Variants in LRRIQ4 observed in about 807,000 individuals in gnomAD.
The protein encoded by LRRIQ4 is leucine-rich repeat and IQ domain-containing protein 4.
In LRRIQ4, 21 loss-of-function variants were observed where a neutral mutation model predicts 40.1. The ratio of observed to expected loss-of-function variants is 0.52; its 90% confidence interval spans 0.37 to 0.75. The LOEUF is 0.75. LRRIQ4 is among the 30% of genes least tolerant of loss of function. The probability of loss-of-function intolerance (pLI) is 0.00; values close to 1 mark genes in which losing one functional copy is unlikely to be tolerated. For missense variants in LRRIQ4, 655 were observed against 660.0 expected, an observed-to-expected ratio of 0.99 and a Z score of 0.08; for synonymous variants, 277 against 277.1, an observed-to-expected ratio of 1.00 and a Z score of 0.00.
At chr3:169,819,914 T>A (rs988205360) in intron 1 of LRRIQ4, among the ~76,000 whole-genome samples, 1 of 152,244 alleles carries the variant, frequency 6.6e-6, no homozygotes, top group Non-Finnish European at 1.5e-5. Flanking sequence ...ATCTGCCTGA[T>A]GACTAAGTGA....
intron 2 of LRRIQ4, among the ~76,000 whole-genome samples, chr3:169,826,511 T>C (rs1780044605): frequency 6.6e-6 from 1 of 152,196 alleles, no homozygotes; most frequent in African/African-American, 2.4e-5. Flanking sequence ...TCTACAGATT[T>C]TCTATACATC....
chr3:169,825,151 G>A (rs1780013553), intron 2 of LRRIQ4, among the ~76,000 whole-genome samples: 2 of 151,782 alleles, frequency 1.3e-5, no homozygotes, highest in South Asian at 2.1e-4. Flanking sequence ...GGGACTATAG[G>A]TGCCTGCCAC....
At chr3:169,827,991 C>G (rs919520402) in intron 2 of LRRIQ4, among the ~76,000 whole-genome samples, 3 of 152,106 alleles carry the variant, frequency 2.0e-5, no homozygotes, top group Non-Finnish European at 4.4e-5. Flanking sequence ...TCACTGAACA[C>G]TGATTAGAAA....
chr3:169,829,769 G>A lies in LRRIQ4; in HGVS notation c.1195-723G>A, dbSNP rs539921241. On this transcript the variant is annotated intron_variant, in intron 3 of 5. Transcript: ENST00000340806. ...ACCTGCCTCGGCCTCCCAAAGTGCC[G>A]GGATTATAGGCATAAACCACCGTGT... is the stretch of plus-strand genomic sequence containing the variant. Among the ~76,000 whole-genome samples the A allele has an allele frequency of 4.6e-5, 7 of 152,288 alleles. No homozygotes were observed. The South Asian group carries it at 8.3e-4, about 18-fold the overall frequency.
At chr3:169,837,022 A>G (rs931959561) in intron 5 of LRRIQ4, among the ~76,000 whole-genome samples, 2 of 152,174 alleles carry the variant, frequency 1.3e-5, no homozygotes, top group Non-Finnish European at 2.9e-5. Context: ...AGGAGGGAAT[A>G]GGATCCAGGG....
At chr3:169,814,479 G>GTGTT (rs140306978) in intron 1 of LRRIQ4, among the ~76,000 whole-genome samples, 18,642 of 147,976 alleles carry the variant, frequency 0.13, 1,246 homozygotes, top group South Asian at 0.21. Context: ...GGGTCTTGGG[G>GTGTT]TGTTTGTTTG....
chr3:169,822,252 CTTGTCG>C lies in LRRIQ4; in HGVS notation c.337_342del (p.Val113_Val114del), dbSNP rs1779913879. The C allele has an allele frequency of 1.2e-6, 2 of 1,609,106 alleles. No individual in the cohort carries two copies. Among genetic ancestry groups the C allele is most frequent in the African/African-American group, 2.7e-5 (2 of 74,696 alleles). On this transcript the variant is annotated inframe_deletion, in exon 2 of 6. Coordinates refer to ENST00000340806, the MANE Select transcript of LRRIQ4 (RefSeq NM_001080460.3). ...CTACAACCCCATCTTCTCCTCCTCC[CTTGTCG>C]TTGTCAGCTTCCTCCACGCCCTGCG... is the stretch of plus-strand genomic sequence containing the variant.
At chr3:169,826,458 T>G (rs1000643104) in intron 2 of LRRIQ4, among the ~76,000 whole-genome samples, 3 of 151,996 alleles carry the variant, frequency 2.0e-5, no homozygotes, top group Admixed American at 6.6e-5. Flanking sequence ...AAAATGGCTA[T>G]ATGTCAGTTA....
chr3:169,829,235 A>G (rs1780109244), intron 3 of LRRIQ4, among the ~76,000 whole-genome samples: 1 of 152,150 alleles, frequency 6.6e-6, no homozygotes, highest in Admixed American at 6.6e-5. Flanking sequence ...ACTTTTTATA[A>G]GTAGCCCCCT....
intron 4 of LRRIQ4, among the ~76,000 whole-genome samples, chr3:169,832,047 C>A (rs966086142): frequency 9.9e-5 from 15 of 151,868 alleles, no homozygotes; most frequent in African/African-American, 3.4e-4. Context: ...TAGTAATGCT[C>A]CTGACCATAA....
intron 2 of LRRIQ4, among the ~76,000 whole-genome samples, chr3:169,826,935 G>C (rs1389347745): frequency 2.0e-5 from 3 of 152,156 alleles, no homozygotes; most frequent in Non-Finnish European, 4.4e-5. Flanking sequence ...AGAGAAAAAT[G>C]CATTATGGAA....
intron 2 of LRRIQ4, among the ~76,000 whole-genome samples, chr3:169,824,091 T>C (rs1779982786): frequency 1.3e-5 from 2 of 152,190 alleles, no homozygotes; most frequent in African/African-American, 2.4e-5. Flanking sequence ...TATATGTATA[T>C]ACATACACAC....
intron 1 of LRRIQ4, among the ~76,000 whole-genome samples, chr3:169,813,582 C>T (rs1029424984): frequency 5.3e-5 from 8 of 152,162 alleles, no homozygotes; most frequent in African/African-American, 1.2e-4. Context: ...ATAGGGTGTA[C>T]ACCATAAACG....
In LRRIQ4 at chr3:169,822,255, G is replaced by A. The variant is rs1779914036; in HGVS notation, c.334G>A (p.Val112Ile). 2 of 1,609,628 alleles carry A rather than the reference G, an allele frequency of 1.2e-6. No homozygotes were observed. Among genetic ancestry groups the A allele is most frequent in the Non-Finnish European group, 1.7e-6 (2 of 1,178,220 alleles). The change falls in exon 2 of 6, where the codon GTC becomes ATC. Residue 112 changes from valine to isoleucine, a missense_variant. Transcript: ENST00000340806. ...SYNPIFSSSL[V>I]VVSFLHALRE... is the part of the protein sequence containing the mutation. ...CAACCCCATCTTCTCCTCCTCCCTT[G>A]TCGTTGTCAGCTTCCTCCACGCCCT...
At chr3:169,828,082 A>AT (rs1218315045) in intron 2 of LRRIQ4, among the ~76,000 whole-genome samples, 1 of 152,264 alleles carries the variant, frequency 6.6e-6, no homozygotes, top group African/African-American at 2.4e-5. Context: ...ATGAAGAGTC[A>AT]TATCACTAAA....
At chr3:169,823,387 G>T (rs1222185670) in intron 2 of LRRIQ4, among the ~76,000 whole-genome samples, 1 of 147,270 alleles carries the variant, frequency 6.8e-6, no homozygotes, top group East Asian at 2.0e-4. Context: ...TAGCTCTATT[G>T]CACAGGCTGG....
chr3:169,821,784 C>G, intron 1 of LRRIQ4, 107 bp from the exon 2 acceptor site: 1 of 555,154 alleles, frequency 1.8e-6, no homozygotes, highest in Non-Finnish European at 2.9e-6. Flanking sequence ...GTCATAATTT[C>G]AAGCACTAAG....
intron 1 of LRRIQ4, among the ~76,000 whole-genome samples, chr3:169,813,706 C>A (rs554109213): frequency 6.6e-6 from 1 of 152,192 alleles, no homozygotes; most frequent in Non-Finnish European, 1.5e-5. Context: ...GGTCTTTGAG[C>A]CCCTGTGCTC....
chr3:169,816,999 CT>C (rs1224312757), intron 1 of LRRIQ4, among the ~76,000 whole-genome samples: 4 of 152,036 alleles, frequency 2.6e-5, no homozygotes, highest in African/African-American at 9.7e-5. Context: ...TGGTTTTTTA[CT>C]TTTCTAGTTC....
Sources: allele counts gnomAD v4.1 joint callset (sites outside exome capture counted in the v4.1 genomes callset), GRCh38; gene constraint gnomAD v4.1.1; transcripts MANE v1.5; gene names NCBI Gene and HGNC (gene_info 2026-07-23, HGNC 2026-07-21).